The following ANKRD12 variants were observed in gnomAD, a reference collection of about 807,000 sequenced individuals.
ANKRD12 encodes ankyrin repeat domain 12, also known as ankyrin repeat domain-containing protein 12.
Under a neutral mutation model 183.4 loss-of-function variants are expected in ANKRD12, and 85 were observed. The ratio of observed to expected loss-of-function variants is 0.46; its 90% CI spans 0.39 to 0.56. The LOEUF (loss-of-function observed/expected upper bound fraction) is 0.56. ANKRD12 is among the 20% of genes least tolerant of loss of function. ANKRD12 has a pLI of 0.00. For synonymous variants in ANKRD12, 914 were observed against 800.2 expected, an observed-to-expected ratio of 1.14 and a Z score of -2.40; for missense variants, 2,405 against 2,357.1, an observed-to-expected ratio of 1.02 and a Z score of -0.42.
In ANKRD12 at chr18:9,258,120, A is replaced by C; in HGVS notation, c.4853A>C (p.Glu1618Ala). Residue 1618 changes from glutamate (E) to alanine (A), a missense_variant, in exon 9 of 13, where the codon GAA (glutamate) becomes GCA (alanine). Around this residue, in one of 7 missense-constraint regions of ANKRD12, gnomAD observed 1,983 missense variants for 1,725.9 expected, o/e 1.15. Coordinates refer to ENST00000262126, the MANE Select transcript of ANKRD12 (RefSeq NM_015208.5). ...KLTYKSSSGH[E>A]VENSTTDTQV... The stretch of plus-strand genomic sequence containing the variant: ...ACTTACAAGTCTTCCAGTGGCCATG[A>C]AGTTGAGAATAGCACAACTGATACT... 2 of 1,613,618 alleles carry C rather than the reference A, an allele frequency of 1.2e-6. No individual in the cohort carries two copies. Among genetic ancestry groups the C allele is most frequent in the Non-Finnish European group, 1.7e-6 (2 of 1,179,986 alleles).
intron 11 of ANKRD12, 142 bp downstream of exon 11, chr18:9,275,809 G>C: frequency 1.3e-6 from 1 of 741,780 alleles, no homozygotes; most frequent in South Asian, 2.9e-5. Flanking sequence ...TCAAGCCAGA[G>C]TACTTCCAGA....
intron 8 of ANKRD12, among the ~76,000 whole-genome samples, chr18:9,231,634 T>A (rs1421380582): frequency 6.6e-6 from 1 of 151,914 alleles, no homozygotes; most frequent in Non-Finnish European, 1.5e-5. Flanking sequence ...AAAACCATCC[T>A]TGCTAACAGT....
At chr18:9,278,783 C>CAA (rs567385765) in intron 11 of ANKRD12, among the ~76,000 whole-genome samples, 2 of 136,562 alleles carry the variant, frequency 1.5e-5, no homozygotes, top group Non-Finnish European at 1.6e-5. Context: ...GACTCCATCT[C>CAA]AAAAAAAAAA....
intron 3 of ANKRD12, among the ~76,000 whole-genome samples, chr18:9,196,520 G>C (rs1004741369): frequency 3.3e-5 from 5 of 152,064 alleles, no homozygotes; most frequent in Non-Finnish European, 7.4e-5. Context: ...CTGAGTTTAC[G>C]TACATAGATT....
chr18:9,279,688 CT>C, intron 12 of ANKRD12, 44 bp downstream of exon 12: 1 of 920,802 alleles, frequency 1.1e-6, no homozygotes, highest in Non-Finnish European at 1.6e-6. Context: ...CTTCCCCCTT[CT>C]TAAAAAAAAA....
In ANKRD12 at chr18:9,263,887, G is replaced by A; in HGVS notation, c.5762G>A (p.Arg1921Lys). 2 of 1,446,212 alleles carry A rather than the reference G, an allele frequency of 1.4e-6. No homozygotes were observed. The highest frequency in any genetic ancestry group is 1.9e-6 in the Non-Finnish European group (2 of 1,054,770). The allele number at this position is 1,446,212 out of a possible 1,614,324, so 89.6% of individuals were successfully genotyped here. Residue 1921 changes from arginine to lysine, a missense_variant and splice_region_variant, in exon 10 of 13, where the codon AGG becomes AAG. Arg to Lys is a conservative substitution (Grantham distance 26, BLOSUM62 2). Around this residue, in one of 7 missense-constraint regions of ANKRD12, gnomAD observed 162 missense variants for 272.2 expected, o/e 0.60. Transcript: ENST00000262126. Reference protein sequence around the residue: ...MKLRLQHSIEREKLIVSNEQE... With the variant: ...MKLRLQHSIEKEKLIVSNEQE... Reference sequence around the variant, plus strand: ...CTACGTTTGCAACACAGTATTGAAAGGGTAAGAAATGTTTAAATTTACACT... The same window carrying A: ...CTACGTTTGCAACACAGTATTGAAAAGGTAAGAAATGTTTAAATTTACACT...
At chr18:9,265,829 A>C (rs1366862490) in intron 10 of ANKRD12, among the ~76,000 whole-genome samples, 2 of 152,226 alleles carry the variant, frequency 1.3e-5, no homozygotes, top group African/African-American at 4.8e-5. Context: ...CTCCGAGATA[A>C]AGGAGGAAGT....
chr18:9,170,611 A>T (rs570428884), intron 1 of ANKRD12, among the ~76,000 whole-genome samples: 2 of 150,596 alleles, frequency 1.3e-5, no homozygotes, highest in African/African-American at 2.4e-5. Context: ...CCATTCGTCA[A>T]TTTTTTTTTC....
chr18:9,248,758 G>A (rs931347333), intron 8 of ANKRD12, among the ~76,000 whole-genome samples: 5 of 152,218 alleles, frequency 3.3e-5, no homozygotes, highest in Non-Finnish European at 7.3e-5. Flanking sequence ...GTGTGAAAGC[G>A]CAAGCTATAT....
Position 9,216,774 on chromosome 18 carries a change from T to C in ANKRD12, c.669T>C (p.His223=), listed in dbSNP as rs762765350. 2 of 1,613,284 alleles carry C rather than the reference T, an allele frequency of 1.2e-6. No individual in the cohort carries two copies. The highest frequency in any genetic ancestry group is 1.7e-6 in the Non-Finnish European group (2 of 1,179,594). ...TAACTTTAGGTTGGACACCACTGCATGAAGCTTGCAATGTTGGATATTACG... is the reference window on the plus strand; with the variant it reads ...TAACTTTAGGTTGGACACCACTGCACGAAGCTTGCAATGTTGGATATTACG... ...VKDFAGWTPL[H]EACNVGYYDV... Residue 223 remains histidine, a synonymous_variant, in exon 7 of 13, where the codon CAT becomes CAC. Coordinates refer to ENST00000262126, the MANE Select transcript of ANKRD12 (RefSeq NM_015208.5).
rs139055303 is a variant in ANKRD12 at position 9,237,524 on chromosome 18, A to G, written c.943+15525A>G. ...ACTAGGGGATTGGTTGATTAAATCA[A>G]TGTATAGCCTCACCATAAACTATTG... On this transcript the variant is annotated intron_variant, in intron 8 of 12. Coordinates refer to ENST00000262126, the MANE Select transcript of ANKRD12 (RefSeq NM_015208.5). Among the ~76,000 whole-genome samples, 144 of 152,344 alleles carry G rather than the reference A, an allele frequency of 9.5e-4. 1 individual carries two copies. Among genetic ancestry groups the G allele is most frequent in the African/African-American group, 2.8e-3 (115 of 41,580 alleles).
chr18:9,141,777 A>C lies in ANKRD12; in HGVS notation c.-52+4812A>C, dbSNP rs930829024. 3.9e-5 allele frequency among the ~76,000 whole-genome samples: 6 copies of C among 152,240 alleles called. No homozygotes were observed. In the East Asian group the frequency reaches 1.2e-3, roughly 29 times the overall value. ...GTTTTCAGTGTGTACTCAGGCCATA[A>C]CTGGGAAAAAATAACACAAATGTTA... is the stretch of plus-strand genomic sequence containing the variant. On this transcript the variant is annotated intron_variant, in intron 1 of 12. Coordinates refer to ENST00000262126, the MANE Select transcript of ANKRD12 (RefSeq NM_015208.5).
intron 8 of ANKRD12, among the ~76,000 whole-genome samples, chr18:9,232,059 T>C (rs879510516): frequency 2.0e-5 from 3 of 152,232 alleles, no homozygotes; most frequent in Non-Finnish European, 2.9e-5. Context: ...TTTATTGATA[T>C]GTGAAGATTT....
At chr18:9,238,735 C>G (rs9961273) in intron 8 of ANKRD12, among the ~76,000 whole-genome samples, 1 of 152,184 alleles carries the variant, frequency 6.6e-6, no homozygotes, top group Admixed American at 6.5e-5. Flanking sequence ...CATCTTCCAG[C>G]TAAACTGAGA....
intron 11 of ANKRD12, among the ~76,000 whole-genome samples, chr18:9,277,624 G>A (rs984825370): frequency 6.6e-6 from 1 of 151,624 alleles, no homozygotes; most frequent in African/African-American, 2.4e-5. Context: ...ACCGCGCCCG[G>A]CCGACACCCT....
At chr18:9,162,456 G>A (rs2031554230) in intron 1 of ANKRD12, among the ~76,000 whole-genome samples, 4 of 152,088 alleles carry the variant, frequency 2.6e-5, no homozygotes, top group Admixed American at 2.0e-4. Flanking sequence ...ATCATTGATG[G>A]GCATTGGGGT....
chr18:9,150,151 A>G (rs896965722), intron 1 of ANKRD12, among the ~76,000 whole-genome samples: 4 of 152,146 alleles, frequency 2.6e-5, no homozygotes, highest in Non-Finnish European at 4.4e-5. Context: ...AGTTTCCCGA[A>G]AGGTATAATA....
At chr18:9,246,485 A>C (rs988483793) in intron 8 of ANKRD12, among the ~76,000 whole-genome samples, 1 of 152,074 alleles carries the variant, frequency 6.6e-6, no homozygotes, top group Non-Finnish European at 1.5e-5. Context: ...TATTTCCATT[A>C]TTTATTTGAA....
chr18:9,249,102 T>C (rs961614190), intron 8 of ANKRD12, among the ~76,000 whole-genome samples: 4 of 152,168 alleles, frequency 2.6e-5, no homozygotes, highest in African/African-American at 9.6e-5. Flanking sequence ...GTGCTAGACA[T>C]TACGAAAGTC....
Sources: gnomAD v4.1 joint callset for allele counts (sites outside exome capture counted in the v4.1 genomes callset) on GRCh38, gnomAD v4.1.1 for gene constraint, gnomAD v4.1.1 regional missense constraint, MANE v1.5 for transcripts, NCBI Gene and HGNC (gene_info 2026-07-23, HGNC 2026-07-21) for gene names.